BNC2: variants seen among roughly 807,000 people sequenced by gnomAD.
BNC2 encodes the protein basonuclin zinc finger protein 2.
Under a neutral mutation model 76.3 loss-of-function variants are expected in BNC2, and 20 were observed. The observed-to-expected ratio is 0.26, with a 90% confidence interval of 0.18 to 0.38. The LOEUF (loss-of-function observed/expected upper bound fraction) is 0.38. BNC2 is among the 10% of genes least tolerant of loss of function. The pLI, the probability that BNC2 is intolerant of heterozygous loss-of-function variation, is 1.00. For synonymous variants in BNC2, 582 were observed against 514.8 expected, an observed-to-expected ratio of 1.13 and a Z score of -1.77; for missense variants, 1,382 against 1,399.8, an observed-to-expected ratio of 0.99 and a Z score of 0.20.
At chr9:16,480,976 CTG>C (rs1423646255) in intron 5 of BNC2, among the ~76,000 whole-genome samples, 1 of 152,214 alleles carries the variant, frequency 6.6e-6, no homozygotes, top group Non-Finnish European at 1.5e-5. Context: ...GCTCCTGAGT[CTG>C]GTAGGGAAGT....
chr9:16,518,338 G>T (rs1817500820), intron 5 of BNC2, among the ~76,000 whole-genome samples: 1 of 152,196 alleles, frequency 6.6e-6, no homozygotes, highest in African/African-American at 2.4e-5. Context: ...GTAGGCTGAG[G>T]TGGGAGGATT....
chr9:16,708,026 A>G (rs1247811518), intron 3 of BNC2, among the ~76,000 whole-genome samples: 3 of 152,210 alleles, frequency 2.0e-5, no homozygotes, highest in Non-Finnish European at 2.9e-5. Context: ...TACAAATACC[A>G]CGATGAAAAC....
intron 3 of BNC2, among the ~76,000 whole-genome samples, chr9:16,633,595 A>G (rs769281240): frequency 2.6e-5 from 4 of 152,236 alleles, no homozygotes; most frequent in Non-Finnish European, 5.9e-5. Context: ...GTTTTCAACT[A>G]AAACCATTCA....
intron 1 of BNC2, among the ~76,000 whole-genome samples, chr9:16,866,717 G>A (rs1342461033): frequency 1.3e-5 from 2 of 149,230 alleles, no homozygotes; most frequent in Non-Finnish European, 3.0e-5. Context: ...TCAACACTGA[G>A]CCAGTATTCA....
intron 5 of BNC2, among the ~76,000 whole-genome samples, chr9:16,501,532 T>A (rs73417420): frequency 0.038 from 5,733 of 152,162 alleles, 370 homozygotes; most frequent in African/African-American, 0.13. Flanking sequence ...AACCTTAGAG[T>A]CAGATGACTT....
chr9:16,673,472 G>A (rs1822545886), intron 3 of BNC2, among the ~76,000 whole-genome samples: 1 of 150,814 alleles, frequency 6.6e-6, no homozygotes, highest in African/African-American at 2.4e-5. Flanking sequence ...ACATACAACT[G>A]AGAGGTGGAG....
intron 4 of BNC2, among the ~76,000 whole-genome samples, chr9:16,578,271 T>G (rs572961866): frequency 6.6e-6 from 1 of 152,346 alleles, no homozygotes; most frequent in East Asian, 1.9e-4. Context: ...TCAGTTTGTT[T>G]TCTTTCTTAT....
chr9:16,437,076 G>A lies in BNC2; in HGVS notation c.1118C>T (p.Pro373Leu), dbSNP rs1418336073. 6.2e-7 allele frequency: 1 copy of A among 1,614,100 alleles called. No individual in the cohort carries two copies. Among genetic ancestry groups the A allele is most frequent in the Admixed American group, 1.7e-5 (1 of 60,014 alleles). Reference sequence around the variant, plus strand: ...TGTTTGATCATTCTTATAAGGTGTGGGAGAAACTTCGGATTCGCTGCTCTC... The same window carrying A: ...TGTTTGATCATTCTTATAAGGTGTGAGAGAAACTTCGGATTCGCTGCTCTC... ...YNESSESEVS[P>L]TPYKNDQTPN... Residue 373 changes from proline (P) to leucine (L), a missense_variant, in exon 6 of 7, where the codon CCC (proline) becomes CTC (leucine). This residue lies in a region of BNC2 where 557 missense variants were observed against 540.9 expected (regional missense o/e 1.03). Transcript: ENST00000380672.
chr9:16,633,997 A>G (rs1299593085), intron 3 of BNC2, among the ~76,000 whole-genome samples: 1 of 152,212 alleles, frequency 6.6e-6, no homozygotes, highest in African/African-American at 2.4e-5. Flanking sequence ...AAATGTGCTG[A>G]CACTGTTTAT....
intron 3 of BNC2, among the ~76,000 whole-genome samples, chr9:16,662,624 T>C (rs567168223): frequency 1.3e-5 from 2 of 152,274 alleles, no homozygotes; most frequent in South Asian, 4.1e-4. Context: ...TAGTCTCAGC[T>C]ACTCAGGAGG....
In BNC2 at chr9:16,727,773, AAATC is replaced by A. The variant is rs760262104; in HGVS notation, c.330+20_330+23del. On this transcript the variant is annotated intron_variant, in intron 3 of 6. Transcript: ENST00000380672. ...AGGTTTCTTAAAAAAAAGAAAAAAA[AAATC>A]AAGAAAGAAAGTAACTTACCTGTTG... 1.8e-5 allele frequency: 28 copies of A among 1,593,262 alleles called. No homozygotes were observed. Among genetic ancestry groups the A allele is most frequent in the Non-Finnish European group, 2.1e-5 (25 of 1,171,516 alleles).
chr9:16,650,283 C>G (rs746626564), intron 3 of BNC2, among the ~76,000 whole-genome samples: 46 of 152,238 alleles, frequency 3.0e-4, no homozygotes, highest in Middle Eastern at 6.8e-3. Context: ...TAGGACCATT[C>G]CATTTAAATT....
At chr9:16,676,611 G>T (rs1822650579) in intron 3 of BNC2, among the ~76,000 whole-genome samples, 1 of 152,192 alleles carries the variant, frequency 6.6e-6, no homozygotes, top group South Asian at 2.1e-4. Flanking sequence ...TAAGTTCTCA[G>T]GCCATTCAAC....
intron 3 of BNC2, among the ~76,000 whole-genome samples, chr9:16,671,208 G>A (rs1822468073): frequency 6.6e-6 from 1 of 152,084 alleles, no homozygotes; most frequent in Non-Finnish European, 1.5e-5. Flanking sequence ...ATGCCTTCAT[G>A]CAAGTCACTC....
At chr9:16,462,712 C>G (rs530408109) in intron 5 of BNC2, among the ~76,000 whole-genome samples, 2 of 152,358 alleles carry the variant, frequency 1.3e-5, no homozygotes, top group South Asian at 2.1e-4. Context: ...GTCTGCAACA[C>G]AGATCCAAAG....
chr9:16,418,880 C>A lies in BNC2; in HGVS notation c.*109G>T. On this transcript the variant is annotated 3_prime_UTR_variant, in exon 7 of 7. Transcript: ENST00000380672. Reference sequence around the variant, plus strand: ...CACAGAGCATACATAAATGCACACACACACACACACACACACACACCCCAA... The same window carrying A: ...CACAGAGCATACATAAATGCACACAAACACACACACACACACACACCCCAA... 1.7e-6 allele frequency: 2 copies of A among 1,209,884 alleles called. No homozygotes were observed. The highest frequency in any genetic ancestry group is 2.4e-6 in the Non-Finnish European group (2 of 817,480). The allele number at this position is 1,209,884 out of a possible 1,614,324, so 74.9% of individuals were successfully genotyped here.
rs181321051 is a variant in BNC2, at chr9:16,866,022, A to G, written c.3+4624T>C. 9.2e-5 allele frequency among the ~76,000 whole-genome samples: 14 copies of G among 152,276 alleles called. No homozygotes were observed. In the East Asian group the frequency reaches 2.3e-3, roughly 25 times the overall value. On this transcript the variant is annotated intron_variant, in intron 1 of 6. Coordinates refer to ENST00000380672, the MANE Select transcript of BNC2 (RefSeq NM_017637.6). The stretch of plus-strand genomic sequence containing the variant: ...GTGCAAAAGATTTTAAGAAGGACAA[A>G]TCTGGGTAGTTTATCTCACTGGATT...
intron 5 of BNC2, among the ~76,000 whole-genome samples, chr9:16,517,776 A>G (rs1817483320): frequency 6.6e-6 from 1 of 152,182 alleles, no homozygotes; most frequent in South Asian, 2.1e-4. Flanking sequence ...AACACAGTAA[A>G]TTGTAGGTTC....
chr9:16,683,027 A>C (rs1291417213), intron 3 of BNC2, among the ~76,000 whole-genome samples: 3 of 152,208 alleles, frequency 2.0e-5, no homozygotes, highest in Non-Finnish European at 4.4e-5. Flanking sequence ...CACTGGGGAA[A>C]GTAAATAAAG....
Sources: gnomAD v4.1 joint callset for allele counts (sites outside exome capture counted in the v4.1 genomes callset) on GRCh38, gnomAD v4.1.1 for gene constraint, gnomAD v4.1.1 regional missense constraint, MANE v1.5 for transcripts, NCBI Gene and HGNC (gene_info 2026-07-23, HGNC 2026-07-21) for gene names.